The following PDPR variants were observed in gnomAD, a reference collection of about 807,000 sequenced individuals.
PDPR encodes the protein pyruvate dehydrogenase phosphatase regulatory subunit.
In PDPR, 50 loss-of-function variants were observed where a neutral mutation model predicts 102.2. The ratio of observed to expected loss-of-function variants is 0.49; its 90% confidence interval spans 0.39 to 0.62. PDPR has a LOEUF of 0.62. PDPR is among the 20% of genes least tolerant of loss of function. The pLI, the probability that PDPR is intolerant of heterozygous loss-of-function variation, is 0.00. For synonymous variants in PDPR, 259 were observed against 406.0 expected, an observed-to-expected ratio of 0.64 and a Z score of 4.35; for missense variants, 625 against 1,098.2, an observed-to-expected ratio of 0.57 and a Z score of 6.09.
chr16:70,155,445 GTC>G (rs1368463109), intron 18 of PDPR, among the ~76,000 whole-genome samples: 2 of 152,332 alleles, frequency 1.3e-5, no homozygotes, highest in Middle Eastern at 3.4e-3. Context: ...TGTATTTTTT[GTC>G]TTTACCAAAA....
chr16:70,131,838 C>T, intron 8 of PDPR: 2 of 1,408,648 alleles, frequency 1.4e-6, no homozygotes, highest in Admixed American at 2.2e-5. Flanking sequence ...CTCTGCAACC[C>T]CCCTCTCTGT....
chr16:70,150,973 C>T (rs1052378640), intron 17 of PDPR, among the ~76,000 whole-genome samples: 6 of 152,246 alleles, frequency 3.9e-5, no homozygotes, highest in Admixed American at 2.6e-4. Flanking sequence ...CTCCCACTGT[C>T]GCCCAGGCTG....
At chr16:70,149,384 G>T (rs1966519835) in intron 17 of PDPR, among the ~76,000 whole-genome samples, 1 of 152,126 alleles carries the variant, frequency 6.6e-6, no homozygotes, top group Non-Finnish European at 1.5e-5. Flanking sequence ...TCCTGCTTCA[G>T]CCTCCCGAGT....
chr16:70,139,301 C>T (rs1247661729), intron 11 of PDPR, among the ~76,000 whole-genome samples: 2 of 152,260 alleles, frequency 1.3e-5, no homozygotes, highest in African/African-American at 4.8e-5. Context: ...ATATTCTAAG[C>T]AATGCCTTCT....
At chr16:70,125,398 A>AAAAC (rs56891998) in intron 3 of PDPR, among the ~76,000 whole-genome samples, 118 of 146,420 alleles carry the variant, frequency 8.1e-4, no homozygotes, top group South Asian at 3.9e-3. Flanking sequence ...AAACAAAAAA[A>AAAAC]CAAAAATTAG....
chr16:70,151,633 G>A (rs1026293342), intron 17 of PDPR, among the ~76,000 whole-genome samples: 1 of 152,292 alleles, frequency 6.6e-6, no homozygotes, highest in Non-Finnish European at 1.5e-5. Context: ...CATCAGGAAG[G>A]GGAGGCTCTG....
chr16:70,161,744 T>A lies in PDPR; in HGVS notation c.*4865T>A, dbSNP rs1289030010. 1 of 152,586 alleles carries A rather than the reference T, an allele frequency of 6.6e-6. No individual in the cohort carries two copies. The highest frequency in any genetic ancestry group is 6.5e-5 in the Admixed American group (1 of 15,292). The allele number at this position is 152,586 out of a possible 1,614,324, so 9.5% of individuals were successfully genotyped here. ...TTGCCTTCCCTTTGTCCATGAAACATGAAGAGTTGTTTATGGTTCTTGACT... is the reference window on the plus strand; with the variant it reads ...TTGCCTTCCCTTTGTCCATGAAACAAGAAGAGTTGTTTATGGTTCTTGACT... On this transcript the variant is annotated 3_prime_UTR_variant, in exon 19 of 19. Transcript: ENST00000288050.
chr16:70,142,433 G>C, intron 12 of PDPR, 44 bp downstream of exon 12: 2 of 1,492,654 alleles, frequency 1.3e-6, no homozygotes, highest in Non-Finnish European at 8.9e-7. Flanking sequence ...TTTTTTTTTT[G>C]TCCTGGGAAT....
At chr16:70,152,510 T>C (rs1427671851) in intron 17 of PDPR, among the ~76,000 whole-genome samples, 1 of 152,278 alleles carries the variant, frequency 6.6e-6, no homozygotes, top group Non-Finnish European at 1.5e-5. Context: ...AGAGCAAAAC[T>C]CTGTCTCAAA....
rs555276601 is a variant in PDPR, at chr16:70,128,470, C to T, written c.362-314C>T. 5.3e-5 allele frequency among the ~76,000 whole-genome samples: 8 copies of T among 152,342 alleles called. No homozygotes were observed. In the East Asian group the frequency reaches 7.7e-4, roughly 15 times the overall value. ...CTCAAACTACTGACCTCAGATGATC[C>T]GCCCCCCTCAGCCTCCCAAAGTGCT... is the stretch of plus-strand genomic sequence containing the variant. On this transcript the variant is annotated intron_variant, in intron 4 of 18. Coordinates refer to ENST00000288050, the MANE Select transcript of PDPR (RefSeq NM_017990.5).
At chr16:70,155,172 A>G (rs2152121405) in intron 18 of PDPR, among the ~76,000 whole-genome samples, 1 of 152,286 alleles carries the variant, frequency 6.6e-6, no homozygotes, top group African/African-American at 2.4e-5. Context: ...CACCTGGGTG[A>G]CAGAGCAAGG....
rs528861571 is a variant in PDPR at position 70,159,728 on chromosome 16, G to A, written c.*2849G>A. On this transcript the variant is annotated 3_prime_UTR_variant, in exon 19 of 19. Transcript: ENST00000288050. Reference sequence around the variant, plus strand: ...CTGACCACCGGTGTCAGATATCAGAGCATTCTGGACTCCTGAGAGGCAGTG... The same window carrying A: ...CTGACCACCGGTGTCAGATATCAGAACATTCTGGACTCCTGAGAGGCAGTG... 6.5e-6 allele frequency: 1 copy of A among 152,914 alleles called. No homozygotes were observed. Among genetic ancestry groups the A allele is most frequent in the South Asian group, 2.1e-4 (1 of 4,836 alleles). The allele number at this position is 152,914 out of a possible 1,614,324, so 9.5% of individuals were successfully genotyped here. A position where few individuals can be genotyped will look rare whatever the true frequency, so the allele number is the denominator to read the frequency against.
chr16:70,156,915 T>TTG lies in PDPR; in HGVS notation c.*38_*39dup. ...GCAGCCTCACCTCCTCCCCATCATCTTGTCCTAGAGTGGGCGTCACCTTGG... is the reference window on the plus strand; with the variant it reads ...GCAGCCTCACCTCCTCCCCATCATCTTGTGTCCTAGAGTGGGCGTCACCTTGG... On this transcript the variant is annotated 3_prime_UTR_variant, in exon 19 of 19. Coordinates refer to ENST00000288050, the MANE Select transcript of PDPR (RefSeq NM_017990.5). 1 of 1,604,798 alleles carries TTG rather than the reference T, an allele frequency of 6.2e-7. No individual in the cohort carries two copies. Among genetic ancestry groups the TTG allele is most frequent in the Non-Finnish European group, 8.5e-7 (1 of 1,175,858 alleles).
Position 70,130,570 on chromosome 16 carries a change from CT to C in PDPR, c.729+28del, listed in dbSNP as rs776638293. The C allele has an allele frequency of 5.0e-6, 8 of 1,612,788 alleles. No homozygotes were observed. The East Asian group carries it at 1.8e-4, about 36-fold the overall frequency. On this transcript the variant is annotated intron_variant, in intron 7 of 18. Transcript: ENST00000288050. Reference sequence around the variant, plus strand: ...GTAGGTCAGCACCAACACTGCTGTTCTTATTTAACGTTTGTCTCCAAGATTT... The same window carrying C: ...GTAGGTCAGCACCAACACTGCTGTTCTATTTAACGTTTGTCTCCAAGATTT...
At position 70,120,569 on chromosome 16, in the gene PDPR, G is replaced by C; in HGVS notation, c.77G>C (p.Arg26Thr). The part of the protein sequence containing the change: ...SPGWQNWSSA[R>T]NSTSAAEARS... ...GGATGGCAGAACTGGTCCTCTGCAA[G>C]AAACAGCACGTCAGCTGCCGAGGCG... is the stretch of plus-strand genomic sequence containing the variant. The change falls in exon 3 of 19, where the codon AGA becomes ACA. Residue 26 changes from arginine to threonine, a missense_variant. Arg to Thr is a moderately conservative substitution (Grantham distance 71, BLOSUM62 -1). Around this residue, in one of 11 missense-constraint regions of PDPR, gnomAD observed 84 missense variants for 87.7 expected, o/e 0.96. Coordinates refer to ENST00000288050, the MANE Select transcript of PDPR (RefSeq NM_017990.5). The C allele has an allele frequency of 1.9e-6, 3 of 1,614,034 alleles. No individual in the cohort carries two copies. Among genetic ancestry groups the C allele is most frequent in the Non-Finnish European group, 2.5e-6 (3 of 1,179,880 alleles).
rs989452561 is a variant in PDPR, at chr16:70,159,798, G to A, written c.*2919G>A. On this transcript the variant is annotated 3_prime_UTR_variant, in exon 19 of 19. Transcript: ENST00000288050. ...GAGGCCAGTAGATGCCCCAGATCCA[G>A]AGCCGTGGCTGCAAATCCAGCAGGA... The A allele has an allele frequency of 2.0e-5, 3 of 152,914 alleles. No homozygotes were observed. Among genetic ancestry groups the A allele is most frequent in the African/African-American group, 7.2e-5 (3 of 41,492 alleles). 9.5% of individuals were successfully genotyped at this position (152,914 alleles called of 1,614,324 possible). A position where few individuals can be genotyped will look rare whatever the true frequency, so the allele number is the denominator to read the frequency against.
chr16:70,121,021 C>CTCAAGCA (rs2152061741), intron 3 of PDPR, among the ~76,000 whole-genome samples: 1 of 147,868 alleles, frequency 6.8e-6, no homozygotes, highest in South Asian at 2.1e-4. Flanking sequence ...AATTCCTGGC[C>CTCAAGCA]TCAAGCAGTC....
chr16:70,160,540 AC>A lies in PDPR; in HGVS notation c.*3665del, dbSNP rs1476148798. The stretch of plus-strand genomic sequence containing the variant: ...AGAGACCACATAGCCCAGTGATTAA[AC>A]CCCGGTTTCACTCTGGCCCCAGGAG... On this transcript the variant is annotated 3_prime_UTR_variant, in exon 19 of 19. Coordinates refer to ENST00000288050, the MANE Select transcript of PDPR (RefSeq NM_017990.5). 1 of 152,366 alleles carries A rather than the reference AC, an allele frequency of 6.6e-6. No homozygotes were observed. Among genetic ancestry groups the A allele is most frequent in the African/African-American group, 2.4e-5 (1 of 41,420 alleles). 9.4% of individuals were successfully genotyped at this position (152,366 alleles called of 1,614,324 possible). A position where few individuals can be genotyped will look rare whatever the true frequency, so the allele number is the denominator to read the frequency against.
intron 2 of PDPR, among the ~76,000 whole-genome samples, chr16:70,115,602 G>A (rs1379955909): frequency 6.6e-6 from 1 of 152,150 alleles, no homozygotes; most frequent in Non-Finnish European, 1.5e-5. Flanking sequence ...GTGAACCCAC[G>A]CTCATCCAGT....
Sources: gnomAD v4.1 joint callset for allele counts (sites outside exome capture counted in the v4.1 genomes callset) on GRCh38, gnomAD v4.1.1 for gene constraint, gnomAD v4.1.1 regional missense constraint, MANE v1.5 for transcripts, NCBI Gene and HGNC (gene_info 2026-07-23, HGNC 2026-07-21) for gene names.